TTC23: variants seen among roughly 807,000 people sequenced by gnomAD.
The protein encoded by TTC23 is tetratricopeptide repeat protein 23.
TTC23 carries 58 observed loss-of-function variants against 55.1 expected under a neutral mutation model. The ratio of observed to expected loss-of-function variants is 1.05; its 90% CI spans 0.85 to 1.31. The LOEUF is 1.31. Ranked by LOEUF, TTC23 falls within the 50% of genes most tolerant of loss-of-function variation. TTC23 has a pLI of 0.00. For synonymous variants in TTC23, 203 were observed against 199.9 expected (o/e 1.02, Z -0.13); for missense variants, 516 against 534.4 (o/e 0.97, Z 0.34).
chr15:99,153,545 G>C (rs2070134772), intron 12 of TTC23, among the ~76,000 whole-genome samples: 1 of 152,080 alleles, frequency 6.6e-6, no homozygotes, highest in Non-Finnish European at 1.5e-5. Context: ...ACTTACTTAG[G>C]GTTTCCCAGG....
intron 8 of TTC23, among the ~76,000 whole-genome samples, chr15:99,211,816 A>G (rs541830778): frequency 2.0e-5 from 3 of 152,254 alleles, no homozygotes; most frequent in South Asian, 4.1e-4. Context: ...GGGAAGTTTG[A>G]ACAAACACTG....
chr15:99,205,220 G>C (rs1196377067), intron 8 of TTC23, among the ~76,000 whole-genome samples: 1 of 152,166 alleles, frequency 6.6e-6, no homozygotes, highest in Non-Finnish European at 1.5e-5. Flanking sequence ...ATAGTATGAA[G>C]TCAGGTAATG....
At chr15:99,234,385 T>TA (rs1402721207) in intron 4 of TTC23, among the ~76,000 whole-genome samples, 128 of 152,180 alleles carry the variant, frequency 8.4e-4, no homozygotes, top group Non-Finnish European at 6.9e-4. Context: ...TTTATTTATT[T>TA]TTTGAGACGG....
At chr15:99,166,287 C>A (rs2072075265) in intron 10 of TTC23, among the ~76,000 whole-genome samples, 1 of 152,164 alleles carries the variant, frequency 6.6e-6, no homozygotes, top group Admixed American at 6.5e-5. Context: ...GATTCCTTCC[C>A]CTAACTGCCC....
chr15:99,177,612 T>C lies in TTC23; in HGVS notation c.760-2457A>G, dbSNP rs1241365953. Among the ~76,000 whole-genome samples the C allele has an allele frequency of 2.0e-5, 3 of 152,348 alleles. No homozygotes were observed. The East Asian group carries it at 5.8e-4, about 29-fold the overall frequency. On this transcript the variant is annotated intron_variant, in intron 9 of 13. Coordinates refer to ENST00000394132, the MANE Select transcript of TTC23 (RefSeq NM_001288615.3). Reference sequence around the variant, plus strand: ...CCCCTACTATCTCTACGATCTGTTATTTGGAGAGAACAATCACTGTGTAAT... The same window carrying C: ...CCCCTACTATCTCTACGATCTGTTACTTGGAGAGAACAATCACTGTGTAAT...
chr15:99,200,201 A>G, intron 8 of TTC23, 105 bp from the exon 9 acceptor site: 2 of 1,085,438 alleles, frequency 1.8e-6, no homozygotes, highest in Non-Finnish European at 1.2e-6. Flanking sequence ...CCTGGTGTTC[A>G]GGTTCGTTTC....
At chr15:99,227,189 G>T (rs566893199) in intron 5 of TTC23, among the ~76,000 whole-genome samples, 3 of 152,166 alleles carry the variant, frequency 2.0e-5, no homozygotes, top group Admixed American at 6.5e-5. Flanking sequence ...TATAATCCTG[G>T]TCTTTCTCCT....
intron 6 of TTC23, 50 bp from the exon 7 acceptor site, chr15:99,219,098 C>G: frequency 6.3e-7 from 1 of 1,593,370 alleles, no homozygotes; most frequent in Non-Finnish European, 8.6e-7. Context: ...CTCAACTGGA[C>G]AGGAATACAG....
intron 9 of TTC23, among the ~76,000 whole-genome samples, chr15:99,184,835 C>T (rs1171888147): frequency 1.3e-5 from 2 of 152,040 alleles, no homozygotes; most frequent in Non-Finnish European, 2.9e-5. Context: ...GCTTTGTGTC[C>T]CCACCCAAAT....
rs570698633 is a variant in TTC23, at chr15:99,218,793, C to T, written c.456-80G>A. 2.5e-6 allele frequency: 4 copies of T among 1,602,542 alleles called. No homozygotes were observed. The South Asian group carries it at 4.5e-5, about 18-fold the overall frequency. ...CTGAACTTCCTTGGCTCCCATACTT[C>T]CAATCACACTTCCTAAGTCATCCAT... On this transcript the variant is annotated intron_variant, in intron 7 of 13. Coordinates refer to ENST00000394132, the MANE Select transcript of TTC23 (RefSeq NM_001288615.3).
intron 12 of TTC23, among the ~76,000 whole-genome samples, chr15:99,141,974 A>G (rs1367396934): frequency 6.6e-6 from 1 of 152,186 alleles, no homozygotes; most frequent in Non-Finnish European, 1.5e-5. Flanking sequence ...CCTCTGTCCA[A>G]CAAGCCCTTG....
intron 3 of TTC23, among the ~76,000 whole-genome samples, chr15:99,236,566 A>G (rs1263690872): frequency 6.6e-6 from 1 of 151,952 alleles, no homozygotes. Context: ...CTTGGGCTCA[A>G]GTGATCCTCC....
intron 4 of TTC23, among the ~76,000 whole-genome samples, chr15:99,232,223 T>TA: frequency 6.6e-6 from 1 of 151,924 alleles, no homozygotes; most frequent in East Asian, 1.9e-4. Context: ...CTCACACCTG[T>TA]AATCTCAGCA....
chr15:99,190,592 TATAG>T lies in TTC23; in HGVS notation c.759+9323_759+9326del, dbSNP rs796513845. On this transcript the variant is annotated intron_variant, in intron 9 of 13. Transcript: ENST00000394132. ...GTGTGTATGTTTGTATGTATGTCTATATAGATAGAGAAAACCAATGTGGCAAAAT... is the reference window on the plus strand; with the variant it reads ...GTGTGTATGTTTGTATGTATGTCTATATAGAGAAAACCAATGTGGCAAAAT... Among the ~76,000 whole-genome samples the T allele has an allele frequency of 9.1e-4, 138 of 152,304 alleles. 1 individual carries two copies. Among genetic ancestry groups the T allele is most frequent in the African/African-American group, 3.3e-3 (136 of 41,558 alleles).
rs2067625667 is a variant in TTC23 at position 99,136,784 on chromosome 15, G to T, written c.*1226C>A. 2 of 152,222 alleles carry T rather than the reference G, an allele frequency of 1.3e-5. No individual in the cohort carries two copies. The highest frequency in any genetic ancestry group is 6.5e-5 in the Admixed American group (1 of 15,288). 9.4% of individuals were successfully genotyped at this position (152,222 alleles called of 1,614,324 possible). A position where few individuals can be genotyped will look rare whatever the true frequency, so the allele number is the denominator to read the frequency against. On this transcript the variant is annotated 3_prime_UTR_variant, in exon 14 of 14. Coordinates refer to ENST00000394132, the MANE Select transcript of TTC23 (RefSeq NM_001288615.3). ...TCTTACACGTTTTTAGCACACTGCTGATGTCCGACAGGCCTGGGTCTGGGA... is the reference window on the plus strand; with the variant it reads ...TCTTACACGTTTTTAGCACACTGCTTATGTCCGACAGGCCTGGGTCTGGGA...
At chr15:99,167,423 CT>C (rs1164501040) in intron 10 of TTC23, among the ~76,000 whole-genome samples, 1 of 152,216 alleles carries the variant, frequency 6.6e-6, no homozygotes, top group Non-Finnish European at 1.5e-5. Flanking sequence ...AATCTGAGCC[CT>C]AATGGCACAG....
At chr15:99,229,915 A>C (rs1471592754) in intron 4 of TTC23, among the ~76,000 whole-genome samples, 1 of 152,238 alleles carries the variant, frequency 6.6e-6, no homozygotes, top group South Asian at 2.1e-4. Flanking sequence ...ACCTAAAAGG[A>C]TCAAACTGTT....
chr15:99,234,604 C>T (rs545061636), intron 4 of TTC23, among the ~76,000 whole-genome samples: 17 of 152,132 alleles, frequency 1.1e-4, no homozygotes, highest in Admixed American at 9.8e-4. Flanking sequence ...GATCTCCTGA[C>T]CTCGTGATCT....
At chr15:99,146,072 C>G (rs933832368) in intron 12 of TTC23, among the ~76,000 whole-genome samples, 2 of 152,336 alleles carry the variant, frequency 1.3e-5, no homozygotes, top group Middle Eastern at 3.4e-3. Context: ...CTTGACTCCC[C>G]CACGACTTTG....
Sources: allele counts gnomAD v4.1 joint callset (sites outside exome capture counted in the v4.1 genomes callset), GRCh38; gene constraint gnomAD v4.1.1; transcripts MANE v1.5; gene names NCBI Gene and HGNC (gene_info 2026-07-23, HGNC 2026-07-21).